Variants in KDM5A observed in about 807,000 individuals in gnomAD.
The protein encoded by KDM5A is lysine-specific demethylase 5A.
Under a neutral mutation model 193.5 loss-of-function variants are expected in KDM5A, and 42 were observed. That is an observed-to-expected ratio of 0.22 (90% CI 0.17 to 0.28). The LOEUF (loss-of-function observed/expected upper bound fraction) is 0.28, where lower values mean the gene tolerates loss of function less well. Ranked by LOEUF, KDM5A falls within the 10% of genes least tolerant of loss-of-function variation. KDM5A has a pLI of 1.00. For missense variants in KDM5A, 1,692 were observed against 2,055.1 expected (o/e 0.82, Z 3.42); for synonymous variants, 796 against 718.1 (o/e 1.11, Z -1.73).
Position 295,714 on chromosome 12 carries a change from T to C in KDM5A, c.4314A>G (p.Ser1438=). 6.2e-7 allele frequency: 1 copy of C among 1,614,050 alleles called. No individual in the cohort carries two copies. The highest frequency in any genetic ancestry group is 8.5e-7 in the Non-Finnish European group (1 of 1,179,974). ...CTTCCAGTTGTGCCTTAGCTCCAGG[T>C]GACAACTCCAGCACTGGAGGTTCCA... ...RSLEPPVLEL[S]PGAKAQLEEL... Residue 1438 remains serine, a synonymous_variant, in exon 26 of 28, where the codon TCA becomes TCG. Transcript: ENST00000399788.
At chr12:338,898 C>T (rs113272806) in intron 10 of KDM5A, among the ~76,000 whole-genome samples, 24 of 151,992 alleles carry the variant, frequency 1.6e-4, no homozygotes, top group African/African-American at 4.1e-4. Context: ...ACACAACTTC[C>T]GGCAGGCGCA....
intron 14 of KDM5A, among the ~76,000 whole-genome samples, chr12:327,230 T>G (rs573225888): frequency 6.6e-6 from 1 of 152,150 alleles, no homozygotes; most frequent in Non-Finnish European, 1.5e-5. Flanking sequence ...ATTCAAATTA[T>G]CAAAGCACAA....
intron 10 of KDM5A, among the ~76,000 whole-genome samples, chr12:344,909 C>T (rs1944050596): frequency 6.6e-6 from 1 of 152,134 alleles, no homozygotes; most frequent in Admixed American, 6.5e-5. Context: ...CAAATTCACA[C>T]ATAGCAACAT....
intron 8 of KDM5A, among the ~76,000 whole-genome samples, chr12:352,594 G>A (rs1565543345): frequency 6.6e-6 from 1 of 152,208 alleles, no homozygotes; most frequent in Non-Finnish European, 1.5e-5. Flanking sequence ...ACTAAGACAA[G>A]CATCTAAAGG....
intron 26 of KDM5A, among the ~76,000 whole-genome samples, chr12:295,259 A>G (rs1407297852): frequency 2.6e-5 from 4 of 151,292 alleles, no homozygotes; most frequent in Admixed American, 6.6e-5. Flanking sequence ...GGGAAAGGAG[A>G]AAGGGGAAGG....
chr12:374,800 C>T (rs1335423849), intron 3 of KDM5A, among the ~76,000 whole-genome samples: 1 of 152,116 alleles, frequency 6.6e-6, no homozygotes, highest in African/African-American at 2.4e-5. Context: ...ATTTGCTTGT[C>T]TGTAAAGGAT....
chr12:386,571 G>A (rs529300720), intron 1 of KDM5A, among the ~76,000 whole-genome samples: 1 of 152,260 alleles, frequency 6.6e-6, no homozygotes, highest in South Asian at 2.1e-4. Context: ...TTCAAGCTGG[G>A]TGCAGTAGCT....
intron 3 of KDM5A, among the ~76,000 whole-genome samples, chr12:380,231 T>C (rs1944557764): frequency 6.7e-6 from 1 of 148,864 alleles, no homozygotes; most frequent in Non-Finnish European, 1.5e-5. Context: ...ATCACGCCTC[T>C]AGCCTGGGTG....
At chr12:383,144 G>A (rs978532888) in intron 3 of KDM5A, among the ~76,000 whole-genome samples, 2 of 151,758 alleles carry the variant, frequency 1.3e-5, no homozygotes, top group Non-Finnish European at 2.9e-5. Flanking sequence ...CTACATACAC[G>A]TATTAACAAA....
At chr12:310,662 A>G (rs559211320) in intron 21 of KDM5A, among the ~76,000 whole-genome samples, 1 of 152,226 alleles carries the variant, frequency 6.6e-6, no homozygotes, top group South Asian at 2.1e-4. Flanking sequence ...GATTTCAATG[A>G]CTAGAGTCCA....
intron 20 of KDM5A, among the ~76,000 whole-genome samples, chr12:312,768 G>C (rs1252112650): frequency 6.6e-6 from 1 of 152,162 alleles, no homozygotes; most frequent in African/African-American, 2.4e-5. Context: ...ACTTACATCG[G>C]CATGACTGAC....
intron 24 of KDM5A, among the ~76,000 whole-genome samples, chr12:305,042 T>C (rs1006085593): frequency 6.6e-6 from 1 of 152,214 alleles, no homozygotes; most frequent in African/African-American, 2.4e-5. Context: ...CTTAAGAATG[T>C]ACCGCTGTGT....
rs755868261 is a variant in KDM5A at position 295,742 on chromosome 12, C to A, written c.4286G>T (p.Ser1429Ile). Residue 1429 changes from serine (S) to isoleucine (I), a missense_variant, in exon 26 of 28, where the codon AGT (serine) becomes ATT (isoleucine). Around this residue, in one of 11 missense-constraint regions of KDM5A, gnomAD observed 965 missense variants for 1,061.0 expected, o/e 0.91. Coordinates refer to ENST00000399788, the MANE Select transcript of KDM5A (RefSeq NM_001042603.3). ...QPRKSPLVPR[S>I]LEPPVLELSP... ...CAACTCCAGCACTGGAGGTTCCAAACTTCGGGGCACCAAAGGGCTCTTCCG... is the reference window on the plus strand; with the variant it reads ...CAACTCCAGCACTGGAGGTTCCAAAATTCGGGGCACCAAAGGGCTCTTCCG... 3.1e-6 allele frequency: 5 copies of A among 1,614,120 alleles called. No homozygotes were observed. In the East Asian group the frequency reaches 1.1e-4, roughly 36 times the overall value.
intron 3 of KDM5A, among the ~76,000 whole-genome samples, chr12:377,965 G>A (rs1565552544): frequency 6.6e-6 from 1 of 152,148 alleles, no homozygotes; most frequent in African/African-American, 2.4e-5. Flanking sequence ...TGGAAAGTTT[G>A]AAAATATATT....
intron 3 of KDM5A, among the ~76,000 whole-genome samples, chr12:383,328 C>A (rs1944598141): frequency 1.3e-5 from 2 of 152,058 alleles, no homozygotes; most frequent in African/African-American, 4.8e-5. Context: ...GATCCTCCCA[C>A]CTTAGCCTCC....
chr12:359,408 G>C (rs1015619715), intron 5 of KDM5A, among the ~76,000 whole-genome samples: 2 of 152,110 alleles, frequency 1.3e-5, no homozygotes, highest in Non-Finnish European at 2.9e-5. Flanking sequence ...ATTGGACATG[G>C]CATATAGGGA....
rs1944132134 is a variant in KDM5A at position 349,889 on chromosome 12, G to A, written c.1308+732C>T. The stretch of plus-strand genomic sequence containing the variant: ...TCACGCCTGTAATCCCAGCACTCTG[G>A]GAGGCCGAGACAGGGGATCACCTGA... On this transcript the variant is annotated intron_variant, in intron 10 of 27. Coordinates refer to ENST00000399788, the MANE Select transcript of KDM5A (RefSeq NM_001042603.3). Among the ~76,000 whole-genome samples, 3 of 151,874 alleles carry A rather than the reference G, an allele frequency of 2.0e-5. 1 individual carries two copies. In the South Asian group the frequency reaches 6.2e-4, roughly 32 times the overall value.
At chr12:365,631 T>C (rs11062616) in intron 4 of KDM5A, among the ~76,000 whole-genome samples, 10,720 of 152,200 alleles carry the variant, frequency 0.07, 848 homozygotes, top group East Asian at 0.35. Context: ...CCACAAAGGG[T>C]GAATTCTATG....
At chr12:316,698 G>A (rs981862216) in intron 19 of KDM5A, among the ~76,000 whole-genome samples, 4 of 152,126 alleles carry the variant, frequency 2.6e-5, no homozygotes, top group African/African-American at 7.2e-5. Flanking sequence ...ACTGTCATTC[G>A]TCTGAAGACA....
Sources: allele counts gnomAD v4.1 joint callset (sites outside exome capture counted in the v4.1 genomes callset), GRCh38; gene constraint gnomAD v4.1.1; regional missense constraint gnomAD v4.1.1; transcripts MANE v1.5; gene names NCBI Gene and HGNC (gene_info 2026-07-23, HGNC 2026-07-21).